Variants in DYNC1H1 observed in about 807,000 individuals in gnomAD.
The protein encoded by DYNC1H1 is dynein cytoplasmic 1 heavy chain 1, also known as cytoplasmic dynein 1 heavy chain 1.
DYNC1H1 carries 51 observed loss-of-function variants against 527.1 expected under a neutral mutation model. The observed-to-expected ratio is 0.10, with a 90% CI of 0.08 to 0.12. The LOEUF is 0.12. Ranked by LOEUF, DYNC1H1 falls within the 10% of genes least tolerant of loss-of-function variation. The pLI is 1.00. For synonymous variants in DYNC1H1, 2,189 were observed against 2,278.8 expected (o/e 0.96, Z 1.12); for missense variants, 2,771 against 5,971.8 (o/e 0.46, Z 17.66).
At position 102,041,414 on chromosome 14, in the gene DYNC1H1, C is replaced by G. The variant is rs45444691; in HGVS notation, c.11942-160C>G. The G allele has an allele frequency of 2.6e-6, 3 of 1,153,042 alleles. No individual in the cohort carries two copies. Among genetic ancestry groups the G allele is most frequent in the Admixed American group, 3.4e-5 (2 of 58,470 alleles). 71.4% of individuals were successfully genotyped at this position (1,153,042 alleles called of 1,614,324 possible). A position where few individuals can be genotyped will look rare whatever the true frequency, so the allele number is the denominator to read the frequency against. ...CTCACAGGCGTGTCCAGAGGGCTCA[C>G]GGAAGGCACAGCAGATGTGGCTGAA... is the stretch of plus-strand genomic sequence containing the variant. On this transcript the variant is annotated intron_variant, in intron 64 of 77. Transcript: ENST00000360184. The surrounding 1 kb of genome is among the most constrained non-coding windows in gnomAD (Gnocchi z 4.5).
At chr14:101,984,141 T>G (rs1450054791) in intron 7 of DYNC1H1, among the ~76,000 whole-genome samples, 1 of 148,950 alleles carries the variant, frequency 6.7e-6, no homozygotes, top group Non-Finnish European at 1.5e-5. Flanking sequence ...CTAATTTATT[T>G]GTGTGTGTGT....
At chr14:102,030,042 G>A (rs2048493068) in intron 50 of DYNC1H1, 104 bp downstream of exon 50, 1 of 1,593,198 alleles carries the variant, frequency 6.3e-7, no homozygotes, top group Admixed American at 1.7e-5. Context: ...TAGAGAGAGG[G>A]AGGGAGGGAG....
At position 102,044,200 on chromosome 14, in the gene DYNC1H1, T is replaced by C. The variant is rs2048686912; in HGVS notation, c.12685-74T>C. On this transcript the variant is annotated intron_variant, in intron 70 of 77. Transcript: ENST00000360184. The surrounding 1 kb of genome is among the most constrained non-coding windows in gnomAD (Gnocchi z 7.1). ...GGCCATGGGGAGTGAGGAGGAAAGC[T>C]GTGCCCCTCGAAAGGAAGCCCCGGG... 5.6e-6 allele frequency: 9 copies of C among 1,595,374 alleles called. No homozygotes were observed. The highest frequency in any genetic ancestry group is 2.2e-5 in the South Asian group (2 of 89,498).
intron 44 of DYNC1H1, 65 bp downstream of exon 44, chr14:102,026,772 C>T (rs893706526): frequency 6.5e-5 from 103 of 1,586,342 alleles, no homozygotes; most frequent in South Asian, 4.9e-4. Flanking sequence ...GTGTGTGTGC[C>T]GGGTCACACC....
At chr14:101,989,854 G>A (rs774920388) in intron 10 of DYNC1H1, among the ~76,000 whole-genome samples, 8 of 152,114 alleles carry the variant, frequency 5.3e-5, no homozygotes, top group Non-Finnish European at 1.2e-4. Context: ...TTCAGTCAAC[G>A]ACAAGACCAC....
At chr14:102,014,965 G>A (rs1418594658) in intron 34 of DYNC1H1, 140 bp from the exon 35 acceptor site, 9 of 939,544 alleles carry the variant, frequency 9.6e-6, no homozygotes, top group Admixed American at 4.1e-5. Context: ...ACAGGCACAC[G>A]CCACCATGCC....
rs369229909 is a variant in DYNC1H1 at position 102,033,947 on chromosome 14, C to T, written c.10414-29C>T. 2.5e-6 allele frequency: 4 copies of T among 1,611,986 alleles called. No homozygotes were observed. Among genetic ancestry groups the T allele is most frequent in the Non-Finnish European group, 3.4e-6 (4 of 1,178,906 alleles). ...GTATAAATCCTGAAAGGCCTCATCC[C>T]TGAGCATCTTGTTCGGTTTTCCTTT... On this transcript the variant is annotated intron_variant, in intron 54 of 77. Transcript: ENST00000360184. The surrounding 1 kb of genome is among the most constrained non-coding windows in gnomAD (Gnocchi z 5.6).
In DYNC1H1 at chr14:102,002,957, T is replaced by C. The variant is rs777153674; in HGVS notation, c.4875T>C (p.Ser1625=). The C allele has an allele frequency of 6.2e-7, 1 of 1,614,118 alleles. No individual in the cohort carries two copies. Among genetic ancestry groups the C allele is most frequent in the Non-Finnish European group, 8.5e-7 (1 of 1,180,044 alleles). Residue 1625 remains serine (S), a synonymous_variant, in exon 23 of 78, where the codon TCT becomes TCC. Transcript: ENST00000360184. This position sits in a 1 kb window ranked among gnomAD's most constrained non-coding sequence, Gnocchi z 4.4. ...AATATCTGGAAAGAGAGCGGTCATC[T>C]TTCCCCAGGTAAGATCCTTGCTTTG... The part of the protein sequence containing the change: ...LGEYLERERS[S]FPRFYFVGDE...
chr14:102,034,185 C>G lies in DYNC1H1; in HGVS notation c.10623C>G (p.Ile3541Met). The G allele has an allele frequency of 6.2e-7, 1 of 1,614,208 alleles. No homozygotes were observed. The highest frequency in any genetic ancestry group is 8.5e-7 in the Non-Finnish European group (1 of 1,180,052). The change falls in exon 55 of 78, where the codon ATC becomes ATG. Residue 3541 changes from isoleucine to methionine, a missense_variant. By Grantham distance (10) the Ile-to-Met change is conservative. Transcript: ENST00000360184. The part of the protein sequence containing the change: ...TWSHHLQQAN[I>M]QFRTDIARTE... ...CCCATCACCTACAGCAAGCCAACAT[C>G]CAGGTGAGAATCACGGGGAGTTCAA...
chr14:102,029,453 A>G lies in DYNC1H1; in HGVS notation c.9469-86A>G. On this transcript the variant is annotated intron_variant, in intron 48 of 77. Transcript: ENST00000360184. This position sits in a 1 kb window ranked among gnomAD's most constrained non-coding sequence, Gnocchi z 5.3. ...GGCCAGGCTCCTTCTATCATGTCAC[A>G]CCCATCTGCCAAGGCCAAAATTGTT... The G allele has an allele frequency of 4.4e-6, 7 of 1,578,578 alleles. No homozygotes were observed. Among genetic ancestry groups the G allele is most frequent in the Non-Finnish European group, 6.1e-6 (7 of 1,154,736 alleles).
intron 10 of DYNC1H1, 110 bp from the exon 11 acceptor site, chr14:101,991,417 G>T: frequency 1.5e-6 from 2 of 1,377,716 alleles, no homozygotes; most frequent in Admixed American, 1.9e-5. Context: ...GTGAGCCAAG[G>T]TTGTGCCATT....
Position 102,027,934 on chromosome 14 carries a change from C to T in DYNC1H1, c.9264-3C>T. 1.9e-6 allele frequency: 3 copies of T among 1,614,180 alleles called. No homozygotes were observed. On this transcript the variant is annotated splice_polypyrimidine_tract_variant and splice_region_variant and intron_variant, in intron 47 of 77. Transcript: ENST00000360184. The surrounding 1 kb of genome is among the most constrained non-coding windows in gnomAD (Gnocchi z 7.7). ...TGTCCTGAAACATGGGCCTCTTTCT[C>T]AGGTGTGTGTTGAATTGGTTTGGAG...
intron 2 of DYNC1H1, 86 bp downstream of exon 2, chr14:101,975,885 TCTTA>T (rs2047794359): frequency 2.7e-6 from 3 of 1,107,106 alleles, no homozygotes; most frequent in African/African-American, 3.2e-5. Flanking sequence ...ACTCAGAAAT[TCTTA>T]CTAAGAGAAT....
In DYNC1H1 at chr14:102,004,939, G is replaced by A. The variant is rs1392613151; in HGVS notation, c.5227G>A (p.Asp1743Asn). Residue 1743 changes from aspartate (D) to asparagine (N), a missense_variant, in exon 25 of 78, where the codon GAT (aspartate) becomes AAT (asparagine). Asp to Asn is a conservative substitution (Grantham distance 23). Around this residue, in one of 32 missense-constraint regions of DYNC1H1, gnomAD observed 105 missense variants for 138.1 expected, o/e 0.76. Transcript: ENST00000360184. Reference protein sequence around the residue: ...IDPNTYITWIDKYQAQLVVLS... With the variant: ...IDPNTYITWINKYQAQLVVLS... ...CCCAAATACCTACATCACTTGGATT[G>A]ATAAATACCAGGTAATCTATAGTAG... The A allele has an allele frequency of 1.2e-6, 2 of 1,614,072 alleles. No individual in the cohort carries two copies. Among genetic ancestry groups the A allele is most frequent in the East Asian group, 2.2e-5 (1 of 44,904 alleles).
rs1459461388 is a variant in DYNC1H1, at chr14:101,979,599, G to A, written c.518+107G>A. Reference sequence around the variant, plus strand: ...GAGGGTAACGCTAGTGAGCCGAGGGGATATAAACCCTGTGTATTAATAAAT... The same window carrying A: ...GAGGGTAACGCTAGTGAGCCGAGGGAATATAAACCCTGTGTATTAATAAAT... On this transcript the variant is annotated intron_variant, in intron 3 of 77. Transcript: ENST00000360184. This position sits in a 1 kb window ranked among gnomAD's most constrained non-coding sequence, Gnocchi z 4.6. 8 of 1,605,098 alleles carry A rather than the reference G, an allele frequency of 5.0e-6. No individual in the cohort carries two copies. The highest frequency in any genetic ancestry group is 6.8e-6 in the Non-Finnish European group (8 of 1,173,514).
rs113962837 is a variant in DYNC1H1 at position 102,008,285 on chromosome 14, G to A, written c.5925G>A (p.Val1975=). The A allele has an allele frequency of 6.2e-7, 1 of 1,614,224 alleles. No individual in the cohort carries two copies. Among genetic ancestry groups the A allele is most frequent in the Non-Finnish European group, 8.5e-7 (1 of 1,180,056 alleles). Residue 1975 remains valine (V), a synonymous_variant, in exon 29 of 78, where the codon GTG becomes GTA. Transcript: ENST00000360184. ...TGCTCTCGGCTGTGTCCCAGCAGGT[G>A]CAGTGCATACAGGAAGCACTGCGTG... ...ERMLSAVSQQ[V]QCIQEALREH...
intron 1 of DYNC1H1, among the ~76,000 whole-genome samples, chr14:101,970,879 A>G (rs1210389883): frequency 6.6e-6 from 1 of 152,076 alleles, no homozygotes; most frequent in East Asian, 1.9e-4. Context: ...GCCAAAGGAG[A>G]TGAATGGCTT....
intron 64 of DYNC1H1, 152 bp downstream of exon 64, chr14:102,040,825 G>A (rs753868879): frequency 2.6e-4 from 225 of 879,352 alleles, no homozygotes; most frequent in Non-Finnish European, 3.4e-4. Flanking sequence ...CAGGCGTGGC[G>A]GTGCACACCT....
chr14:102,006,476 C>A (rs1426701637), intron 27 of DYNC1H1, among the ~76,000 whole-genome samples: 2 of 152,156 alleles, frequency 1.3e-5, no homozygotes, highest in African/African-American at 4.8e-5. Context: ...CTGGTGACCC[C>A]CTCACCTTGG....
Sources: allele counts gnomAD v4.1 joint callset (sites outside exome capture counted in the v4.1 genomes callset), GRCh38; gene constraint gnomAD v4.1.1; regional missense constraint gnomAD v4.1.1; non-coding constraint Gnocchi (gnomAD v3.1); transcripts MANE v1.5; gene names NCBI Gene and HGNC (gene_info 2026-07-23, HGNC 2026-07-21).